The following SYN3 variants were observed in gnomAD, a reference collection of about 807,000 sequenced individuals.
The protein encoded by SYN3 is synapsin III.
Under a neutral mutation model 65.8 loss-of-function variants are expected in SYN3, and 35 were observed. That is an observed-to-expected ratio of 0.53 (90% CI 0.41 to 0.70). The LOEUF is 0.70. Among genes scored for constraint, SYN3 ranks in the 30% least tolerant of loss-of-function variants. The pLI is 0.00. For synonymous variants in SYN3, 270 were observed against 292.9 expected (o/e 0.92, Z 0.80); for missense variants, 680 against 749.0 (o/e 0.91, Z 1.08).
intron 6 of SYN3, among the ~76,000 whole-genome samples, chr22:32,852,774 T>C (rs572106726): frequency 4.6e-5 from 7 of 152,204 alleles, no homozygotes; most frequent in African/African-American, 1.4e-4. Flanking sequence ...GTTAGAATGT[T>C]GAGAGAGCTT....
intron 6 of SYN3, among the ~76,000 whole-genome samples, chr22:32,745,787 A>G (rs1046982218): frequency 2.0e-5 from 3 of 152,172 alleles, no homozygotes; most frequent in African/African-American, 7.2e-5. Flanking sequence ...AAAAAGCAAT[A>G]TGGAGAAAGA....
chr22:32,892,570 G>C (rs2049481646), intron 4 of SYN3, among the ~76,000 whole-genome samples: 1 of 152,212 alleles, frequency 6.6e-6, no homozygotes, highest in Admixed American at 6.5e-5. Context: ...ACCAGCATGG[G>C]AGAGAGAGAT....
chr22:32,791,478 T>G (rs993137365), intron 6 of SYN3, among the ~76,000 whole-genome samples: 26 of 151,974 alleles, frequency 1.7e-4, no homozygotes. Flanking sequence ...AGGGGCCATA[T>G]CTAATTAATG....
rs2060051012 is a variant in SYN3 at position 32,650,307 on chromosome 22, CCCAGGCTGG to C, written c.712-53580_712-53572del. On this transcript the variant is annotated intron_variant, in intron 6 of 13. Coordinates refer to ENST00000358763, the MANE Select transcript of SYN3 (RefSeq NM_003490.4). ...TTTGAGACAGAGTCTCACTCTATCA[CCCAGGCTGG>C]AGTGCAGTGGAGCGATCACAGTTCA... 5.9e-5 allele frequency among the ~76,000 whole-genome samples: 8 copies of C among 135,800 alleles called. No homozygotes were observed. The South Asian group carries it at 2.1e-3, about 36-fold the overall frequency. 89.1% of individuals were successfully genotyped at this position (135,800 alleles called of 152,430 possible).
intron 6 of SYN3, among the ~76,000 whole-genome samples, chr22:32,835,294 C>T (rs937677790): frequency 3.9e-5 from 6 of 152,062 alleles, no homozygotes; most frequent in African/African-American, 9.7e-5. Context: ...TGAGATGTTG[C>T]GGTTAGATAC....
At chr22:32,990,317 C>G (rs1398696967) in intron 2 of SYN3, among the ~76,000 whole-genome samples, 1 of 151,300 alleles carries the variant, frequency 6.6e-6, no homozygotes, top group African/African-American at 2.4e-5. Context: ...TCCATCCATC[C>G]ATCCATCCAT....
At chr22:32,741,485 A>G (rs962806232) in intron 6 of SYN3, among the ~76,000 whole-genome samples, 10 of 150,296 alleles carry the variant, frequency 6.7e-5, no homozygotes, top group African/African-American at 2.5e-4. Flanking sequence ...CCTCCTGAGT[A>G]GCTGGGACTA....
At chr22:33,015,388 TAG>T in intron 1 of SYN3, 2 of 425,302 alleles carry the variant, frequency 4.7e-6, no homozygotes, top group Non-Finnish European at 8.9e-6. Context: ...ATGAAAGAGC[TAG>T]AAGCCTTATA....
In SYN3 at chr22:32,765,123, AGAGTGTGT is replaced by A. The variant is rs1389218273; in HGVS notation, c.711+99784_711+99791del. 2.0e-5 allele frequency among the ~76,000 whole-genome samples: 3 copies of A among 151,928 alleles called. No homozygotes were observed. In the East Asian group the frequency reaches 5.8e-4, roughly 29 times the overall value. ...TATTTTTCCCTGGTTTGAGAGCGAGAGAGTGTGTGAGTGTGGACTGTGTGCACCAGAGG... is the reference window on the plus strand; with the variant it reads ...TATTTTTCCCTGGTTTGAGAGCGAGAGAGTGTGGACTGTGTGCACCAGAGG... On this transcript the variant is annotated intron_variant, in intron 6 of 13. Coordinates refer to ENST00000358763, the MANE Select transcript of SYN3 (RefSeq NM_003490.4).
rs58972175 is a variant in SYN3 at position 32,516,346 on chromosome 22, G to GATTTATTTATTTATTT, written c.1610+1681_1610+1696dup. 4.7e-3 allele frequency among the ~76,000 whole-genome samples: 708 copies of GATTTATTTATTTATTT among 149,938 alleles called. 5 individuals are homozygous for GATTTATTTATTTATTT. Among genetic ancestry groups the GATTTATTTATTTATTT allele is most frequent in the African/African-American group, 0.016 (644 of 40,166 alleles). ...ACGAGGCTTTTCAACATACATCTTT[G>GATTTATTTATTTATTT]ATTTATTTATTTATTTATTTATTTA... is the stretch of plus-strand genomic sequence containing the variant. On this transcript the variant is annotated intron_variant, in intron 13 of 13. Coordinates refer to ENST00000358763, the MANE Select transcript of SYN3 (RefSeq NM_003490.4).
intron 6 of SYN3, among the ~76,000 whole-genome samples, chr22:32,746,571 T>C (rs1347131105): frequency 6.6e-6 from 1 of 152,128 alleles, no homozygotes; most frequent in Non-Finnish European, 1.5e-5. Flanking sequence ...TGGGTGAGGG[T>C]TGGGCTCTTC....
intron 4 of SYN3, among the ~76,000 whole-genome samples, chr22:32,925,954 T>C (rs1601708592): frequency 6.8e-6 from 1 of 147,444 alleles, no homozygotes; most frequent in Admixed American, 6.9e-5. Context: ...CAGGTTCAAG[T>C]GATTCTCATG....
intron 6 of SYN3, among the ~76,000 whole-genome samples, chr22:32,687,446 GA>G (rs1340807557): frequency 0.016 from 1 of 62 alleles, no homozygotes; most frequent in East Asian, 0.5. Flanking sequence ...TTACAGGCAT[GA>G]GCACCACGCC....
chr22:32,862,028 T>G (rs9621578), intron 6 of SYN3: 1 of 152,422 alleles, frequency 6.6e-6, no homozygotes, highest in Non-Finnish European at 1.5e-5. Context: ...TTGGGGGAAA[T>G]AGAAGGAACT....
At chr22:32,670,331 G>A (rs1601880584) in intron 6 of SYN3, among the ~76,000 whole-genome samples, 1 of 152,110 alleles carries the variant, frequency 6.6e-6, no homozygotes, top group East Asian at 1.9e-4. Context: ...TTTGAGGAGT[G>A]GATGCAAAAA....
chr22:32,869,930 G>A (rs1209606251), intron 4 of SYN3, among the ~76,000 whole-genome samples: 2 of 152,006 alleles, frequency 1.3e-5, no homozygotes, highest in East Asian at 1.9e-4. Context: ...CAGGAGAGCC[G>A]CATTGGAACT....
chr22:32,903,353 C>G (rs148617185), intron 4 of SYN3, among the ~76,000 whole-genome samples: 1 of 152,158 alleles, frequency 6.6e-6, no homozygotes, highest in Admixed American at 6.6e-5. Context: ...TTTACACATT[C>G]GTTTTTTTAA....
chr22:32,710,092 C>CAT lies in SYN3; in HGVS notation c.712-113357_712-113356insAT, dbSNP rs1285222970. Among the ~76,000 whole-genome samples, 10 of 96,410 alleles carry CAT rather than the reference C, an allele frequency of 1.0e-4. No individual in the cohort carries two copies. In the East Asian group the frequency reaches 3.4e-3, roughly 33 times the overall value. The allele number at this position is 96,410 out of a possible 152,430, so 63.2% of individuals were successfully genotyped here. On this transcript the variant is annotated intron_variant, in intron 6 of 13. Coordinates refer to ENST00000358763, the MANE Select transcript of SYN3 (RefSeq NM_003490.4). ...ATATATATGCACACACACACACACA[C>CAT]ACACACATGTGTGTGTGTATGTGTG...
chr22:32,513,040 C>T lies in SYN3; in HGVS notation c.*652G>A, dbSNP rs1453506196. 15 of 152,258 alleles carry T rather than the reference C, an allele frequency of 9.9e-5. No homozygotes were observed. The highest frequency in any genetic ancestry group is 6.3e-4 in the South Asian group (3 of 4,788). The allele number at this position is 152,258 out of a possible 1,614,324, so 9.4% of individuals were successfully genotyped here. On this transcript the variant is annotated 3_prime_UTR_variant, in exon 14 of 14. Coordinates refer to ENST00000358763, the MANE Select transcript of SYN3 (RefSeq NM_003490.4). ...ATTACAAGGGCCCCCCTGTTTCTGT[C>T]GTGTTCTGAAAGACCCCACTTGTCA...
Sources: allele counts gnomAD v4.1 joint callset (sites outside exome capture counted in the v4.1 genomes callset), GRCh38; gene constraint gnomAD v4.1.1; transcripts MANE v1.5; gene names NCBI Gene and HGNC (gene_info 2026-07-23, HGNC 2026-07-21).